The following FRAS1 variants were observed in gnomAD, a reference collection of about 807,000 sequenced individuals.
FRAS1 encodes extracellular matrix organizing protein FRAS1.
In FRAS1, 290 loss-of-function variants were observed where a neutral mutation model predicts 435.2. That is an observed-to-expected ratio of 0.67 (90% CI 0.61 to 0.73). The LOEUF (loss-of-function observed/expected upper bound fraction) is 0.73, where lower values mean the gene tolerates loss of function less well. FRAS1 is among the 30% of genes least tolerant of loss of function. FRAS1 has a pLI of 0.00. For missense variants in FRAS1, 4,860 were observed against 5,001.5 expected (o/e 0.97, Z 0.85); for synonymous variants, 1,800 against 1,851.0 (o/e 0.97, Z 0.71).
At position 78,400,743 on chromosome 4, in the gene FRAS1, G is replaced by A. The variant is rs1560705946; in HGVS notation, c.3985G>A (p.Gly1329Ser). Residue 1329 changes from glycine to serine, a missense_variant, in exon 30 of 74, where the codon GGT becomes AGT. Coordinates refer to ENST00000512123, the MANE Select transcript of FRAS1 (RefSeq NM_025074.7). Reference protein sequence around the residue: ...QVKTVPQNDRGLQLVANSMVW... With the variant: ...QVKTVPQNDRSLQLVANSMVW... ...TTTATTTTTATTTCAGAATGACAGGGGTCTTCAGCTTGTGGCTAATTCGAT... is the reference window on the plus strand; with the variant it reads ...TTTATTTTTATTTCAGAATGACAGGAGTCTTCAGCTTGTGGCTAATTCGAT... The A allele has an allele frequency of 6.2e-7, 1 of 1,612,254 alleles. No homozygotes were observed. The highest frequency in any genetic ancestry group is 8.5e-7 in the Non-Finnish European group (1 of 1,179,344).
chr4:78,507,068 T>C (rs1289702407), intron 61 of FRAS1, among the ~76,000 whole-genome samples: 1 of 151,890 alleles, frequency 6.6e-6, no homozygotes, highest in African/African-American at 2.4e-5. Flanking sequence ...TCATGCAAAA[T>C]GTAAGGGGGA....
rs17430173 is a variant in FRAS1 at position 78,517,668 on chromosome 4, A to G, written c.10389+1655A>G. 3.6e-3 allele frequency among the ~76,000 whole-genome samples: 547 copies of G among 152,346 alleles called. 1 individual carries two copies. The highest frequency in any genetic ancestry group is 0.017 in the Middle Eastern group (5 of 294). On this transcript the variant is annotated intron_variant, in intron 66 of 73. Coordinates refer to ENST00000512123, the MANE Select transcript of FRAS1 (RefSeq NM_025074.7). ...TCTGAACCTCTTCTGAAATTGTACT[A>G]ATAATCTCAACATGAGAAGGTGCCT...
At chr4:78,340,812 G>A (rs984337668) in intron 20 of FRAS1, among the ~76,000 whole-genome samples, 4 of 152,098 alleles carry the variant, frequency 2.6e-5, no homozygotes, top group African/African-American at 9.7e-5. Context: ...TTGCACATGT[G>A]CCCCTGTTTC....
At chr4:78,534,867 A>G (rs1721832321) in intron 71 of FRAS1, among the ~76,000 whole-genome samples, 1 of 152,230 alleles carries the variant, frequency 6.6e-6, no homozygotes, top group Non-Finnish European at 1.5e-5. Flanking sequence ...TGGTCTGAGT[A>G]GTAAGAATAC....
At chr4:78,400,686 T>C (rs1384197672) in intron 29 of FRAS1, 48 bp from the exon 30 acceptor site, 1 of 1,572,448 alleles carries the variant, frequency 6.4e-7, no homozygotes, top group African/African-American at 1.4e-5. Flanking sequence ...AGGATTGATA[T>C]ATTCTTACTT....
chr4:78,336,999 T>C (rs1350610177), intron 19 of FRAS1, among the ~76,000 whole-genome samples: 2 of 151,892 alleles, frequency 1.3e-5, no homozygotes, highest in Admixed American at 1.3e-4. Flanking sequence ...CAGTGTTGTA[T>C]CTCTTGTTAA....
chr4:78,250,242 A>G (rs1725472615), intron 4 of FRAS1, among the ~76,000 whole-genome samples: 1 of 152,172 alleles, frequency 6.6e-6, no homozygotes. Context: ...ACCACTGTTA[A>G]TGTTCTTTCA....
chr4:78,172,442 CT>C (rs1721599366), intron 2 of FRAS1, among the ~76,000 whole-genome samples: 1 of 152,120 alleles, frequency 6.6e-6, no homozygotes, highest in African/African-American at 2.4e-5. Context: ...ACAGCATAGG[CT>C]TTGTAATTTC....
At chr4:78,152,586 T>C (rs1476150797) in intron 2 of FRAS1, among the ~76,000 whole-genome samples, 1 of 151,616 alleles carries the variant, frequency 6.6e-6, no homozygotes, top group East Asian at 1.9e-4. Context: ...GTTTTGTGTG[T>C]TCTTCATTTC....
intron 15 of FRAS1, among the ~76,000 whole-genome samples, chr4:78,313,765 A>G (rs1294691408): frequency 1.3e-5 from 2 of 152,220 alleles, no homozygotes; most frequent in African/African-American, 2.4e-5. Flanking sequence ...ATTTTTTACA[A>G]TATAAGAAAG....
At chr4:78,135,685 A>T (rs1475478133) in intron 2 of FRAS1, among the ~76,000 whole-genome samples, 1 of 152,130 alleles carries the variant, frequency 6.6e-6, no homozygotes, top group Non-Finnish European at 1.5e-5. Flanking sequence ...GTTTTTCTCC[A>T]TATTGTCCAT....
chr4:78,485,555 A>T (rs1720143979), intron 58 of FRAS1, among the ~76,000 whole-genome samples: 2 of 152,206 alleles, frequency 1.3e-5, no homozygotes, highest in African/African-American at 4.8e-5. Context: ...GTAACTCAGC[A>T]TAGCATTCAG....
At chr4:78,059,038 C>T (rs1016340713) in intron 1 of FRAS1, among the ~76,000 whole-genome samples, 9 of 152,218 alleles carry the variant, frequency 5.9e-5, no homozygotes, top group Non-Finnish European at 1.2e-4. Flanking sequence ...GCTTCCCCTC[C>T]CGGCTCCATT....
intron 2 of FRAS1, among the ~76,000 whole-genome samples, chr4:78,133,244 C>A (rs545090351): frequency 6.6e-6 from 1 of 152,080 alleles, no homozygotes; most frequent in Admixed American, 6.5e-5. Flanking sequence ...GGTCATTATG[C>A]GGTGTAAAAT....
At chr4:78,288,512 T>A (rs889289117) in intron 14 of FRAS1, among the ~76,000 whole-genome samples, 1 of 152,172 alleles carries the variant, frequency 6.6e-6, no homozygotes, top group African/African-American at 2.4e-5. Flanking sequence ...ATGGGTAATG[T>A]TTCATTTGAT....
At chr4:78,483,088 A>G (rs1246229057) in intron 58 of FRAS1, among the ~76,000 whole-genome samples, 1 of 152,188 alleles carries the variant, frequency 6.6e-6, no homozygotes, top group African/African-American at 2.4e-5. Context: ...TGCTTTGAGC[A>G]TGGGAGGGGG....
chr4:78,263,184 T>G (rs6533565), intron 6 of FRAS1, among the ~76,000 whole-genome samples: 92,632 of 152,006 alleles, frequency 0.61, 28,410 homozygotes, highest in Middle Eastern at 0.7. Flanking sequence ...CTACTCAGCT[T>G]CTTCTTACTT....
In FRAS1 at chr4:78,541,770, A is replaced by G. The variant is rs6827145; in HGVS notation, c.*646A>G. On this transcript the variant is annotated 3_prime_UTR_variant, in exon 74 of 74. Transcript: ENST00000512123. Reference sequence around the variant, plus strand: ...CACGGGAGCCTCTGCCTCCTCAGCCACAGAGAACTCCCTCCTACAAAGGGG... The same window carrying G: ...CACGGGAGCCTCTGCCTCCTCAGCCGCAGAGAACTCCCTCCTACAAAGGGG... 1 of 152,184 alleles carries G rather than the reference A, an allele frequency of 6.6e-6. No homozygotes were observed. The highest frequency in any genetic ancestry group is 2.4e-5 in the African/African-American group (1 of 41,428). The allele number at this position is 152,184 out of a possible 1,614,324, so 9.4% of individuals were successfully genotyped here.
chr4:78,086,914 C>G (rs1184980037), intron 2 of FRAS1, among the ~76,000 whole-genome samples: 4 of 152,106 alleles, frequency 2.6e-5, no homozygotes, highest in African/African-American at 9.7e-5. Context: ...TCCTCCCTAA[C>G]TCATTTTATG....
Sources: gnomAD v4.1 joint callset for allele counts (sites outside exome capture counted in the v4.1 genomes callset) on GRCh38, gnomAD v4.1.1 for gene constraint, MANE v1.5 for transcripts, NCBI Gene and HGNC (gene_info 2026-07-23, HGNC 2026-07-21) for gene names.